Variants in PCDHA3 observed in about 807,000 individuals in gnomAD.
PCDHA3 encodes protocadherin alpha-3.
In PCDHA3, 41 loss-of-function variants were observed where a neutral mutation model predicts 62.2. The observed-to-expected ratio is 0.66, with a 90% CI of 0.51 to 0.86. The LOEUF (loss-of-function observed/expected upper bound fraction) is 0.86. PCDHA3 is among the 40% of genes least tolerant of loss of function. The pLI is 0.00. For missense variants in PCDHA3, 1,304 were observed against 1,241.2 expected (o/e 1.05, Z -0.76); for synonymous variants, 640 against 555.4 (o/e 1.15, Z -2.14).
chr5:140,864,251 T>C (rs2048389187), intron 1 of PCDHA3: 1 of 152,248 alleles, frequency 6.6e-6, no homozygotes, highest in South Asian at 2.1e-4. Context: ...TTCATTTTCT[T>C]ATTCTGATTT....
chr5:140,873,995 G>A (rs1218409385), intron 1 of PCDHA3, among the ~76,000 whole-genome samples: 9 of 152,284 alleles, frequency 5.9e-5, no homozygotes, highest in African/African-American at 2.2e-4. Context: ...AGCATGTATG[G>A]TACATTGACC....
At chr5:140,857,430 T>A in intron 1 of PCDHA3, 2 of 1,598,338 alleles carry the variant, frequency 1.3e-6, no homozygotes, top group African/African-American at 2.7e-5. Context: ...GAGTACACGG[T>A]GTTCGTGAAG....
chr5:140,929,440 CCTT>C, intron 1 of PCDHA3: 2 of 1,448,524 alleles, frequency 1.4e-6, no homozygotes, highest in Non-Finnish European at 1.8e-6. Flanking sequence ...ACTAAACACT[CCTT>C]CTTAGCACTT....
At chr5:140,858,107 C>T in intron 1 of PCDHA3, 1 of 1,597,636 alleles carries the variant, frequency 6.3e-7, no homozygotes, top group Non-Finnish European at 8.6e-7. Context: ...GGGCGTGGCG[C>T]CCGAGGTGGC....
At chr5:140,965,288 T>C (rs1020237812) in intron 1 of PCDHA3, among the ~76,000 whole-genome samples, 5 of 152,216 alleles carry the variant, frequency 3.3e-5, no homozygotes, top group Non-Finnish European at 7.3e-5. Flanking sequence ...CATGGAAAGA[T>C]TTCCTCTGAT....
chr5:140,861,442 G>T (rs251368), intron 1 of PCDHA3: 232,262 of 488,424 alleles, frequency 0.48, 56,771 homozygotes, highest in South Asian at 0.56. Context: ...TCCAAAAGCC[G>T]CAGAAACCTT....
chr5:140,923,206 A>G (rs2081227659), intron 1 of PCDHA3, among the ~76,000 whole-genome samples: 1 of 152,172 alleles, frequency 6.6e-6, no homozygotes, highest in South Asian at 2.1e-4. Flanking sequence ...TTGGGAGGCT[A>G]AGGTGAAAGG....
intron 1 of PCDHA3, chr5:140,884,394 G>A (rs2060142596): frequency 3.7e-6 from 6 of 1,613,880 alleles, no homozygotes; most frequent in East Asian, 2.2e-5. Flanking sequence ...GCGGTGTCCA[G>A]CCTGTTGGTG....
intron 1 of PCDHA3, among the ~76,000 whole-genome samples, chr5:140,947,749 T>TC (rs1316656181): frequency 6.6e-6 from 1 of 151,628 alleles, no homozygotes; most frequent in Non-Finnish European, 1.5e-5. Flanking sequence ...TCTTATGTAT[T>TC]TTATGGTTTA....
intron 1 of PCDHA3, among the ~76,000 whole-genome samples, chr5:140,891,246 AT>A (rs1213637493): frequency 2.0e-5 from 3 of 151,650 alleles, no homozygotes; most frequent in Non-Finnish European, 4.4e-5. Flanking sequence ...ATTCAGTAGG[AT>A]TTTTTTTAAT....
chr5:140,896,750 A>G (rs781993760), intron 1 of PCDHA3, among the ~76,000 whole-genome samples: 3 of 152,114 alleles, frequency 2.0e-5, no homozygotes, highest in Non-Finnish European at 4.4e-5. Flanking sequence ...GATTCTGGAT[A>G]TTAGACCTTT....
At chr5:140,970,585 T>G (rs1554232585) in intron 1 of PCDHA3, among the ~76,000 whole-genome samples, 2 of 152,244 alleles carry the variant, frequency 1.3e-5, no homozygotes, top group Non-Finnish European at 2.9e-5. Context: ...ATAACAGAGA[T>G]ATGCTTTGTG....
At chr5:140,929,590 G>T in intron 1 of PCDHA3, 1 of 426,240 alleles carries the variant, frequency 2.3e-6, no homozygotes, top group Non-Finnish European at 4.2e-6. Context: ...TGACATAAAG[G>T]TCTAAAATTA....
chr5:140,870,197 G>A lies in PCDHA3; in HGVS notation c.2394+66606G>A. The stretch of plus-strand genomic sequence containing the variant: ...CCAGTACGAGAGGACGCTCAGCCCA[G>A]CACGGTCATTGCCCTGATCAGCGTG... On this transcript the variant is annotated intron_variant, in intron 1 of 3. Coordinates refer to ENST00000522353, the MANE Select transcript of PCDHA3 (RefSeq NM_018906.3). 1 of 1,614,174 alleles carries A rather than the reference G, an allele frequency of 6.2e-7. No individual in the cohort carries two copies. Among genetic ancestry groups the A allele is most frequent in the East Asian group, 2.2e-5 (1 of 44,880 alleles).
intron 1 of PCDHA3, chr5:140,928,178 G>A: frequency 6.2e-7 from 1 of 1,614,192 alleles, no homozygotes. Context: ...AGCACCCGAA[G>A]GACAATCACT....
In PCDHA3 at chr5:140,803,178, G is replaced by A. The variant is rs781920190; in HGVS notation, c.1981G>A (p.Ala661Thr). 3 of 1,613,740 alleles carry A rather than the reference G, an allele frequency of 1.9e-6. No homozygotes were observed. Among genetic ancestry groups the A allele is most frequent in the African/African-American group, 2.7e-5 (2 of 74,934 alleles). ...GGACCACGGTGAACCCTCATTGACC[G>A]CCACGGCCACTGTGCTGGTGTCGCT... ...VKDHGEPSLT[A>T]TATVLVSLVE... Residue 661 changes from alanine to threonine, a missense_variant, in exon 1 of 4, where the codon GCC (alanine) becomes ACC (threonine). Physicochemically the swap from Ala to Thr is moderately conservative, Grantham distance 58. Transcript: ENST00000522353.
intron 1 of PCDHA3, among the ~76,000 whole-genome samples, chr5:140,948,369 TG>T (rs1209104577): frequency 7.9e-5 from 12 of 151,580 alleles, no homozygotes; most frequent in Non-Finnish European, 3.0e-5. Context: ...ACTTAGGAGG[TG>T]TTCCTTCCTC....
In PCDHA3 at chr5:140,803,452, A is replaced by G. The variant is rs1763203863; in HGVS notation, c.2255A>G (p.Gln752Arg). Residue 752 changes from glutamine to arginine, a missense_variant, in exon 1 of 4, where the codon CAG becomes CGG. Transcript: ENST00000522353. ...SSAVGSWSYSQQRQQRVCSGE... is the reference protein window; with the variant it reads ...SSAVGSWSYSRQRQQRVCSGE... ...GCGGTGGGGAGCTGGTCATACTCGC[A>G]GCAGAGGCAGCAGAGGGTGTGCTCT... is the stretch of plus-strand genomic sequence containing the variant. 2 of 1,614,226 alleles carry G rather than the reference A, an allele frequency of 1.2e-6. No homozygotes were observed. The highest frequency in any genetic ancestry group is 4.5e-5 in the East Asian group (2 of 44,874).
chr5:140,914,777 C>T (rs1476693090), intron 1 of PCDHA3, among the ~76,000 whole-genome samples: 1 of 151,924 alleles, frequency 6.6e-6, no homozygotes, highest in Non-Finnish European at 1.5e-5. Flanking sequence ...TATGACTTAT[C>T]TTATGACCCA....
Sources: allele counts gnomAD v4.1 joint callset (sites outside exome capture counted in the v4.1 genomes callset), GRCh38; gene constraint gnomAD v4.1.1; transcripts MANE v1.5; gene names NCBI Gene and HGNC (gene_info 2026-07-23, HGNC 2026-07-21).